GABRG3: variants seen among roughly 807,000 people sequenced by gnomAD.
The protein encoded by GABRG3 is gamma-aminobutyric acid type A receptor subunit gamma3, also known as gamma-aminobutyric acid receptor subunit gamma-3.
GABRG3 carries 25 observed loss-of-function variants against 48.8 expected under a neutral mutation model. That is an observed-to-expected ratio of 0.51 (90% confidence interval 0.37 to 0.72). The LOEUF (loss-of-function observed/expected upper bound fraction) is 0.72, where lower values mean the gene tolerates loss of function less well. GABRG3 is among the 30% of genes least tolerant of loss of function. The pLI is 0.00. For synonymous variants in GABRG3, 227 were observed against 217.6 expected (o/e 1.04, Z -0.38); for missense variants, 394 against 577.9 (o/e 0.68, Z 3.26).
rs142241527 is a variant in GABRG3, at chr15:27,035,177, T to C, written c.270+8356T>C. Among the ~76,000 whole-genome samples the C allele has an allele frequency of 4.7e-3, 720 of 152,314 alleles. 4 individuals are homozygous for C. Among genetic ancestry groups the C allele is most frequent in the Non-Finnish European group, 8.7e-3 (595 of 68,034 alleles). ...AGGCATGTCTGACATGTAAAACTGCTTAATTTTAAACTCACACTCTGTGTC... is the reference window on the plus strand; with the variant it reads ...AGGCATGTCTGACATGTAAAACTGCCTAATTTTAAACTCACACTCTGTGTC... On this transcript the variant is annotated intron_variant, in intron 3 of 9. Transcript: ENST00000615808.
intron 3 of GABRG3, among the ~76,000 whole-genome samples, chr15:27,059,749 A>G (rs1267724663): frequency 2.6e-5 from 4 of 152,232 alleles, no homozygotes; most frequent in Non-Finnish European, 4.4e-5. Flanking sequence ...GGGTCCTGGC[A>G]GACAATGGTG....
intron 5 of GABRG3, among the ~76,000 whole-genome samples, chr15:27,432,326 T>A (rs933176734): frequency 3.9e-5 from 6 of 152,182 alleles, no homozygotes; most frequent in Non-Finnish European, 7.4e-5. Context: ...CATAAACACG[T>A]TTATGTAATT....
intron 2 of GABRG3, among the ~76,000 whole-genome samples, chr15:26,985,065 G>A (rs1895126801): frequency 6.6e-6 from 1 of 152,196 alleles, no homozygotes; most frequent in African/African-American, 2.4e-5. Context: ...TGAAACTTCT[G>A]CTAAATATGG....
chr15:27,356,270 G>A (rs185595591), intron 5 of GABRG3, among the ~76,000 whole-genome samples: 83 of 152,140 alleles, frequency 5.5e-4, no homozygotes, highest in Middle Eastern at 3.4e-3. Context: ...AAGGGTAGGG[G>A]GTGGGGAGAG....
chr15:27,289,540 A>T (rs938016730), intron 3 of GABRG3, among the ~76,000 whole-genome samples: 2 of 152,220 alleles, frequency 1.3e-5, no homozygotes, highest in African/African-American at 4.8e-5. Context: ...TCTGCAAATG[A>T]GTGGCATCTG....
At chr15:27,160,805 A>G (rs1887155454) in intron 3 of GABRG3, among the ~76,000 whole-genome samples, 1 of 151,818 alleles carries the variant, frequency 6.6e-6, no homozygotes, top group African/African-American at 2.4e-5. Flanking sequence ...GATATGAAGC[A>G]CTCCTGGCTG....
chr15:27,308,147 T>G (rs186136577), intron 3 of GABRG3, among the ~76,000 whole-genome samples: 34,978 of 91,390 alleles, frequency 0.38, 11,645 homozygotes, highest in Non-Finnish European at 0.53. Flanking sequence ...TGTTTATACA[T>G]CCAAACATAT....
intron 5 of GABRG3, chr15:27,363,927 C>G (rs1426542257): frequency 2.0e-5 from 3 of 152,192 alleles, no homozygotes; most frequent in Non-Finnish European, 4.4e-5. Context: ...GGCCTGCCCT[C>G]TGAAGCCATT....
At chr15:27,378,891 T>G (rs1895680871) in intron 5 of GABRG3, among the ~76,000 whole-genome samples, 1 of 152,224 alleles carries the variant, frequency 6.6e-6, no homozygotes, top group African/African-American at 2.4e-5. Context: ...GGGAACTGGA[T>G]GAAGTGGGTC....
chr15:27,186,405 C>A (rs180706659), intron 3 of GABRG3, among the ~76,000 whole-genome samples: 58 of 152,184 alleles, frequency 3.8e-4, no homozygotes, highest in African/African-American at 1.2e-3. Flanking sequence ...TTTATCCAAT[C>A]TAGGTGTTGA....
At chr15:27,058,869 A>G (rs2140720312) in intron 3 of GABRG3, among the ~76,000 whole-genome samples, 1 of 152,326 alleles carries the variant, frequency 6.6e-6, no homozygotes, top group African/African-American at 2.4e-5. Flanking sequence ...TTGCTATAGT[A>G]CATATTTCTG....
At position 27,180,302 on chromosome 15, in the gene GABRG3, G is replaced by A. The variant is rs184205952; in HGVS notation, c.271-146507G>A. ...GGTCACAATAGCAACTAGAGTAAAC[G>A]GGCAAATGGCTTGAGTGAAAGGAAA... On this transcript the variant is annotated intron_variant, in intron 3 of 9. Coordinates refer to ENST00000615808, the MANE Select transcript of GABRG3 (RefSeq NM_033223.5). The surrounding 1 kb of genome is among the most constrained non-coding windows in gnomAD (Gnocchi z 4.2). 4.7e-3 allele frequency among the ~76,000 whole-genome samples: 716 copies of A among 152,124 alleles called. 1 individual carries two copies. Among genetic ancestry groups the A allele is most frequent in the African/African-American group, 0.013 (529 of 41,488 alleles).
chr15:27,395,593 G>A (rs1035697570), intron 5 of GABRG3, among the ~76,000 whole-genome samples: 26 of 151,922 alleles, frequency 1.7e-4, no homozygotes, highest in Admixed American at 9.8e-4. Context: ...ATACTAATAC[G>A]GTCATCTGAA....
At chr15:27,034,870 C>A (rs923176154) in intron 3 of GABRG3, among the ~76,000 whole-genome samples, 1 of 152,218 alleles carries the variant, frequency 6.6e-6, no homozygotes, top group African/African-American at 2.4e-5. Flanking sequence ...TGCCTGTACA[C>A]TACTGTCTTC....
chr15:27,061,143 C>T (rs1896636635), intron 3 of GABRG3, among the ~76,000 whole-genome samples: 1 of 152,226 alleles, frequency 6.6e-6, no homozygotes, highest in African/African-American at 2.4e-5. Context: ...TAAGGTAAAC[C>T]TATAGACAGG....
chr15:27,038,577 G>C (rs963620250), intron 3 of GABRG3, among the ~76,000 whole-genome samples: 13 of 152,206 alleles, frequency 8.5e-5, no homozygotes, highest in Non-Finnish European at 1.6e-4. Flanking sequence ...CCCTGTGTTA[G>C]GGTTGGCAGA....
chr15:27,147,460 A>G (rs1282761077), intron 3 of GABRG3, among the ~76,000 whole-genome samples: 2 of 152,044 alleles, frequency 1.3e-5, no homozygotes, highest in Non-Finnish European at 2.9e-5. Context: ...TAAGACAACT[A>G]GACCTAACAG....
intron 5 of GABRG3, among the ~76,000 whole-genome samples, chr15:27,437,485 C>G (rs530066095): frequency 6.6e-6 from 1 of 152,202 alleles, no homozygotes; most frequent in African/African-American, 2.4e-5. Context: ...TCCCTCTACT[C>G]CTTGTCCCTG....
At chr15:27,362,666 T>G (rs998305105) in intron 5 of GABRG3, 6 of 152,158 alleles carry the variant, frequency 3.9e-5, no homozygotes, top group Middle Eastern at 3.2e-3. Context: ...GGAACTGGGA[T>G]TTTTTCACCA....
Sources: allele counts gnomAD v4.1 joint callset (sites outside exome capture counted in the v4.1 genomes callset), GRCh38; gene constraint gnomAD v4.1.1; non-coding constraint Gnocchi (gnomAD v3.1); transcripts MANE v1.5; gene names NCBI Gene and HGNC (gene_info 2026-07-23, HGNC 2026-07-21).